The following MDGA2 variants were observed in gnomAD, a reference collection of about 807,000 sequenced individuals.
MDGA2 encodes the protein MAM domain containing glycosylphosphatidylinositol anchor 2.
MDGA2 carries 40 observed loss-of-function variants against 117.8 expected under a neutral mutation model. The ratio of observed to expected loss-of-function variants is 0.34; its 90% confidence interval spans 0.26 to 0.44. MDGA2 has a LOEUF of 0.44. MDGA2 is among the 20% of genes least tolerant of loss of function. The probability of loss-of-function intolerance (pLI) is 1.00; values close to 1 mark genes in which losing one functional copy is unlikely to be tolerated. For synonymous variants in MDGA2, 452 were observed against 439.0 expected, an observed-to-expected ratio of 1.03 and a Z score of -0.37; for missense variants, 1,123 against 1,250.6, an observed-to-expected ratio of 0.90 and a Z score of 1.54.
intron 1 of MDGA2, among the ~76,000 whole-genome samples, chr14:47,324,522 C>T (rs780274717): frequency 2.4e-4 from 37 of 152,002 alleles, no homozygotes; most frequent in Non-Finnish European, 4.4e-4. Flanking sequence ...TCTTTCTAGT[C>T]GCAGAACCAT....
chr14:47,247,744 CA>C (rs1189752285), intron 2 of MDGA2, among the ~76,000 whole-genome samples: 1 of 151,020 alleles, frequency 6.6e-6, no homozygotes, highest in East Asian at 1.9e-4. Context: ...CTGTACCCAT[CA>C]ACTCGTCATC....
At chr14:47,443,612 T>C (rs911660181) in intron 1 of MDGA2, among the ~76,000 whole-genome samples, 16 of 152,212 alleles carry the variant, frequency 1.1e-4, no homozygotes, top group Admixed American at 6.6e-4. Context: ...TTATGTTGTA[T>C]TTTGTTTTTA....
At chr14:46,962,749 G>A (rs895485281) in intron 8 of MDGA2, among the ~76,000 whole-genome samples, 7 of 152,080 alleles carry the variant, frequency 4.6e-5, no homozygotes, top group African/African-American at 1.7e-4. Context: ...AGAAGAAAGG[G>A]CTGACTGAAG....
At chr14:46,950,196 A>ATTC (rs1468655406) in intron 9 of MDGA2, among the ~76,000 whole-genome samples, 3 of 151,952 alleles carry the variant, frequency 2.0e-5, no homozygotes, top group African/African-American at 7.2e-5. Context: ...ATTAAGTGAT[A>ATTC]CTTACATTTT....
At chr14:47,405,975 T>C (rs1892252420) in intron 1 of MDGA2, among the ~76,000 whole-genome samples, 1 of 152,138 alleles carries the variant, frequency 6.6e-6, no homozygotes, top group Non-Finnish European at 1.5e-5. Flanking sequence ...TCAATCATTT[T>C]CAGTATAACT....
chr14:47,662,919 A>G (rs1349333498), intron 1 of MDGA2, among the ~76,000 whole-genome samples: 2 of 152,236 alleles, frequency 1.3e-5, no homozygotes, highest in Non-Finnish European at 2.9e-5. Context: ...GAAGAACAAA[A>G]TTAGTCAAAG....
At chr14:47,395,635 A>C (rs1891991513) in intron 1 of MDGA2, among the ~76,000 whole-genome samples, 1 of 152,166 alleles carries the variant, frequency 6.6e-6, no homozygotes. Context: ...AAAAATGTAC[A>C]TGATGATTCC....
At chr14:47,569,631 C>T (rs949662554) in intron 1 of MDGA2, among the ~76,000 whole-genome samples, 1 of 152,154 alleles carries the variant, frequency 6.6e-6, no homozygotes, top group Non-Finnish European at 1.5e-5. Context: ...AATCAATTAT[C>T]GAGCACTGAG....
At chr14:47,057,711 C>T (rs1199917876) in intron 7 of MDGA2, among the ~76,000 whole-genome samples, 1 of 149,662 alleles carries the variant, frequency 6.7e-6, no homozygotes, top group African/African-American at 2.5e-5. Context: ...CCTTGCCTTA[C>T]CTTGCCCTGC....
At chr14:47,067,644 G>A (rs1198051991) in intron 6 of MDGA2, among the ~76,000 whole-genome samples, 1 of 152,094 alleles carries the variant, frequency 6.6e-6, no homozygotes, top group African/African-American at 2.4e-5. Flanking sequence ...TTACCAGTTT[G>A]TTCCTGTCTC....
chr14:47,126,391 T>C (rs1881903765), intron 5 of MDGA2, among the ~76,000 whole-genome samples: 1 of 152,136 alleles, frequency 6.6e-6, no homozygotes, highest in South Asian at 2.1e-4. Context: ...ACTGTCTTGA[T>C]AAATTTTAAG....
chr14:47,370,340 G>A (rs1891319347), intron 1 of MDGA2, among the ~76,000 whole-genome samples: 1 of 150,992 alleles, frequency 6.6e-6, no homozygotes, highest in African/African-American at 2.4e-5. Flanking sequence ...AAGAGAAAGA[G>A]AGGACTAAAT....
chr14:46,896,433 TACA>T (rs1294509438), intron 10 of MDGA2, among the ~76,000 whole-genome samples: 3 of 152,144 alleles, frequency 2.0e-5, no homozygotes, highest in East Asian at 1.9e-4. Flanking sequence ...ATAGAAATTG[TACA>T]ACATTAATTG....
intron 8 of MDGA2, among the ~76,000 whole-genome samples, chr14:46,981,201 C>T (rs908423391): frequency 2.0e-5 from 3 of 151,154 alleles, no homozygotes; most frequent in Admixed American, 1.3e-4. Context: ...GTCAGGAGTT[C>T]GAGGCTAGCC....
chr14:47,456,249 C>T (rs2138581464), intron 1 of MDGA2, among the ~76,000 whole-genome samples: 1 of 150,778 alleles, frequency 6.6e-6, no homozygotes, highest in African/African-American at 2.4e-5. Context: ...TAATGCTTAT[C>T]CTAAAATAGA....
intron 5 of MDGA2, among the ~76,000 whole-genome samples, chr14:47,120,486 A>G (rs1881591489): frequency 6.6e-6 from 1 of 152,220 alleles, no homozygotes. Flanking sequence ...AATATGAACT[A>G]AAGCATATTA....
intron 3 of MDGA2, among the ~76,000 whole-genome samples, chr14:47,214,488 A>G (rs1289343301): frequency 1.3e-5 from 2 of 152,184 alleles, no homozygotes; most frequent in African/African-American, 2.4e-5. Flanking sequence ...CTTGATTAAC[A>G]TAGTAAAAAA....
Position 47,627,928 on chromosome 14 carries a change from C to G in MDGA2, c.280+46589G>C, listed in dbSNP as rs574115966. Among the ~76,000 whole-genome samples, 6 of 152,152 alleles carry G rather than the reference C, an allele frequency of 3.9e-5. No individual in the cohort carries two copies. In the East Asian group the frequency reaches 9.7e-4, roughly 25 times the overall value. ...GCACACATCCGAACATCAGAAGGAA[C>G]GAACTCCGGACACGCCACCTTTAAG... On this transcript the variant is annotated intron_variant, in intron 1 of 16. Coordinates refer to ENST00000399232, the MANE Select transcript of MDGA2 (RefSeq NM_001113498.3).
At chr14:47,227,878 A>C (rs1048408179) in intron 2 of MDGA2, among the ~76,000 whole-genome samples, 1 of 152,128 alleles carries the variant, frequency 6.6e-6, no homozygotes, top group Admixed American at 6.6e-5. Flanking sequence ...CACTTCATGG[A>C]GTACTTTAAA....
Sources: gnomAD v4.1 joint callset for allele counts (sites outside exome capture counted in the v4.1 genomes callset) on GRCh38, gnomAD v4.1.1 for gene constraint, MANE v1.5 for transcripts, NCBI Gene and HGNC (gene_info 2026-07-23, HGNC 2026-07-21) for gene names.